Variants in SORCS1 observed in about 807,000 individuals in gnomAD.
SORCS1 encodes sortilin related VPS10 domain containing receptor 1.
SORCS1 carries 60 observed loss-of-function variants against 146.1 expected under a neutral mutation model. That is an observed-to-expected ratio of 0.41 (90% CI 0.33 to 0.51). The LOEUF (loss-of-function observed/expected upper bound fraction) is 0.51, where lower values mean the gene tolerates loss of function less well. SORCS1 is among the 20% of genes least tolerant of loss of function. The pLI, the probability that SORCS1 is intolerant of heterozygous loss-of-function variation, is 0.21. For synonymous variants in SORCS1, 637 were observed against 584.0 expected (o/e 1.09, Z -1.31); for missense variants, 1,352 against 1,487.6 (o/e 0.91, Z 1.50).
intron 3 of SORCS1, among the ~76,000 whole-genome samples, chr10:106,791,403 G>T (rs1946313506): frequency 6.6e-6 from 1 of 152,134 alleles, no homozygotes; most frequent in Non-Finnish European, 1.5e-5. Context: ...TATGGATAAA[G>T]AATATGAATT....
intron 3 of SORCS1, among the ~76,000 whole-genome samples, chr10:106,794,616 C>T (rs1008764337): frequency 1.3e-5 from 2 of 151,600 alleles, no homozygotes; most frequent in Admixed American, 1.3e-4. Flanking sequence ...CATTCTCCTG[C>T]CTCAGTCTCC....
rs1851581462 is a variant in SORCS1 at position 106,671,299 on chromosome 10, T to G, written c.2127A>C (p.Gln709His). 6.2e-7 allele frequency: 1 copy of G among 1,614,060 alleles called. No homozygotes were observed. The highest frequency in any genetic ancestry group is 1.3e-5 in the African/African-American group (1 of 74,934). Residue 709 changes from glutamine (Q) to histidine (H), a missense_variant, in exon 16 of 26, where the codon CAA becomes CAC. Transcript: ENST00000263054. The part of the protein sequence containing the change: ...KKRKSERKCM[Q>H]GKYAGAMESE... ...ATTCCATAGCTCCTGCATATTTTCC[T>G]TGCATACACTTCCGCTCTGATTTTC...
chr10:107,044,961 T>G (rs1959240534), intron 1 of SORCS1, among the ~76,000 whole-genome samples: 1 of 152,096 alleles, frequency 6.6e-6, no homozygotes, highest in Non-Finnish European at 1.5e-5. Flanking sequence ...GACATAAGGC[T>G]TTAGGAATGC....
chr10:106,956,986 C>T (rs976920720), intron 1 of SORCS1, among the ~76,000 whole-genome samples: 23 of 152,090 alleles, frequency 1.5e-4, no homozygotes, highest in African/African-American at 5.6e-4. Context: ...GAGCAGATTA[C>T]CCAATGTGCC....
At chr10:107,093,157 T>A (rs1360196249) in intron 1 of SORCS1, among the ~76,000 whole-genome samples, 2 of 152,108 alleles carry the variant, frequency 1.3e-5, no homozygotes, top group African/African-American at 2.4e-5. Flanking sequence ...GAGCCATGAT[T>A]TTTTTTAACC....
chr10:106,789,186 G>A (rs117016971), intron 3 of SORCS1, among the ~76,000 whole-genome samples: 3,918 of 152,192 alleles, frequency 0.026, 95 homozygotes, highest in South Asian at 0.083. Context: ...CCCTGGGCCC[G>A]GCCCACAAAA....
At chr10:106,889,017 G>A (rs896530956) in intron 2 of SORCS1, among the ~76,000 whole-genome samples, 6 of 152,114 alleles carry the variant, frequency 3.9e-5, no homozygotes, top group East Asian at 3.8e-4. Context: ...TCCAATAAAC[G>A]CTTTTTTTCA....
chr10:107,059,366 A>T (rs1462945116), intron 1 of SORCS1, among the ~76,000 whole-genome samples: 6 of 152,178 alleles, frequency 3.9e-5, no homozygotes, highest in African/African-American at 1.4e-4. Flanking sequence ...TTTCCTACAC[A>T]ATCTTATTTT....
At chr10:106,936,881 C>A (rs1196304595) in intron 2 of SORCS1, among the ~76,000 whole-genome samples, 1 of 152,204 alleles carries the variant, frequency 6.6e-6, no homozygotes, top group African/African-American at 2.4e-5. Flanking sequence ...ACTAGCAATT[C>A]TTCATGACCA....
At chr10:107,112,620 A>G (rs1466537881) in intron 1 of SORCS1, among the ~76,000 whole-genome samples, 1 of 152,172 alleles carries the variant, frequency 6.6e-6, no homozygotes, top group Non-Finnish European at 1.5e-5. Context: ...AATCAACAAT[A>G]TGCTACCTAA....
At chr10:106,709,196 C>T in intron 7 of SORCS1, 27 bp downstream of exon 7, 53 of 1,530,556 alleles carry the variant, frequency 3.5e-5, no homozygotes, top group Non-Finnish European at 4.5e-5. Flanking sequence ...GTTTCTGAGA[C>T]AATCAACAGA....
intron 4 of SORCS1, among the ~76,000 whole-genome samples, chr10:106,764,883 C>T (rs537105433): frequency 5.9e-5 from 9 of 151,928 alleles, no homozygotes; most frequent in East Asian, 1.9e-4. Flanking sequence ...ATTAGCTGGG[C>T]GTGGTGGCCG....
intron 1 of SORCS1, among the ~76,000 whole-genome samples, chr10:106,987,291 AG>A (rs1236178482): frequency 6.6e-6 from 1 of 152,216 alleles, no homozygotes; most frequent in African/African-American, 2.4e-5. Flanking sequence ...AGCTCCTCTA[AG>A]ATGGCAGAAT....
At chr10:106,717,652 A>T (rs1400031606) in intron 6 of SORCS1, among the ~76,000 whole-genome samples, 1 of 152,248 alleles carries the variant, frequency 6.6e-6, no homozygotes, top group Non-Finnish European at 1.5e-5. Context: ...CATGAAACTA[A>T]AAACTGGGAA....
At chr10:107,047,640 C>CT (rs1261874581) in intron 1 of SORCS1, among the ~76,000 whole-genome samples, 2 of 152,220 alleles carry the variant, frequency 1.3e-5, no homozygotes, top group Non-Finnish European at 2.9e-5. Context: ...ACTCCACACT[C>CT]TGTTCTCACT....
At chr10:106,928,096 C>T (rs1231634972) in intron 2 of SORCS1, among the ~76,000 whole-genome samples, 1 of 152,264 alleles carries the variant, frequency 6.6e-6, no homozygotes, top group Non-Finnish European at 1.5e-5. Context: ...AGTCCCGCGC[C>T]GTGCACCCGC....
chr10:106,777,493 A>G (rs1860537676), intron 3 of SORCS1, among the ~76,000 whole-genome samples: 1 of 152,228 alleles, frequency 6.6e-6, no homozygotes, highest in African/African-American at 2.4e-5. Context: ...ACTCTGAGAT[A>G]TGGATGGAAG....
chr10:106,666,552 C>CTTT (rs201094771), intron 17 of SORCS1, among the ~76,000 whole-genome samples: 6 of 147,580 alleles, frequency 4.1e-5, no homozygotes, highest in South Asian at 2.2e-4. Flanking sequence ...ATAAATCTCT[C>CTTT]TCTTTTTTTT....
intron 23 of SORCS1, among the ~76,000 whole-genome samples, chr10:106,605,776 G>A (rs72821156): frequency 0.02 from 3,053 of 152,282 alleles, 36 homozygotes; most frequent in Middle Eastern, 0.048. Context: ...TGAGAGCTCT[G>A]CTCTTCATTA....
Sources: gnomAD v4.1 joint callset for allele counts (sites outside exome capture counted in the v4.1 genomes callset) on GRCh38, gnomAD v4.1.1 for gene constraint, MANE v1.5 for transcripts, NCBI Gene and HGNC (gene_info 2026-07-23, HGNC 2026-07-21) for gene names.